CDH4: variants seen among roughly 807,000 people sequenced by gnomAD.
The protein encoded by CDH4 is cadherin 4.
In CDH4, 33 loss-of-function variants were observed where a neutral mutation model predicts 86.0. That is an observed-to-expected ratio of 0.38 (90% CI 0.29 to 0.51). CDH4 has a LOEUF of 0.51. Ranked by LOEUF, CDH4 falls within the 20% of genes least tolerant of loss-of-function variation. The probability of loss-of-function intolerance (pLI) is 0.86; values close to 1 mark genes in which losing one functional copy is unlikely to be tolerated. For synonymous variants in CDH4, 555 were observed against 549.4 expected (o/e 1.01, Z -0.14); for missense variants, 1,114 against 1,307.4 (o/e 0.85, Z 2.28).
At chr20:61,477,876 C>A (rs189352136) in intron 2 of CDH4, among the ~76,000 whole-genome samples, 119 of 152,336 alleles carry the variant, frequency 7.8e-4, no homozygotes, top group African/African-American at 2.6e-3. Flanking sequence ...TCAAGCAGAA[C>A]CTTCTCATTC....
intron 13 of CDH4, among the ~76,000 whole-genome samples, chr20:61,931,060 G>T (rs185942985): frequency 6.6e-6 from 1 of 152,218 alleles, no homozygotes; most frequent in Admixed American, 6.5e-5. Flanking sequence ...CTGCCCAGTC[G>T]TGGGCACCTC....
rs530185565 is a variant in CDH4 at position 61,903,708 on chromosome 20, G to A, written c.1189-6714G>A. ...CTCAAGACAAGCAGGGTATGGGGCC[G>A]AGAGGCAGCCCCCAGGGGGCCAGTG... On this transcript the variant is annotated intron_variant, in intron 8 of 15. Coordinates refer to ENST00000614565, the MANE Select transcript of CDH4 (RefSeq NM_001794.5). 9.9e-5 allele frequency among the ~76,000 whole-genome samples: 15 copies of A among 152,170 alleles called. No individual in the cohort carries two copies. In the South Asian group the frequency reaches 1.7e-3, roughly 17 times the overall value.
At chr20:61,932,841 A>G (rs1249594705) in intron 13 of CDH4, 144 bp from the exon 14 acceptor site, 1 of 1,073,994 alleles carries the variant, frequency 9.3e-7, no homozygotes, top group Non-Finnish European at 1.3e-6. Flanking sequence ...GCGCGTGTGC[A>G]GTACAGGTGT....
At chr20:61,857,874 T>C (rs576336728) in intron 6 of CDH4, among the ~76,000 whole-genome samples, 25 of 152,070 alleles carry the variant, frequency 1.6e-4, no homozygotes, top group Non-Finnish European at 2.4e-4. Context: ...CCTGCATTCA[T>C]TGGTGTGTCT....
intron 7 of CDH4, among the ~76,000 whole-genome samples, chr20:61,892,629 T>C (rs1984872402): frequency 6.6e-6 from 1 of 152,224 alleles, no homozygotes; most frequent in Admixed American, 6.5e-5. Context: ...TGGAGTGCTG[T>C]GGCCATGTTG....
intron 2 of CDH4, among the ~76,000 whole-genome samples, chr20:61,596,884 C>T (rs1010271012): frequency 8.5e-5 from 13 of 152,168 alleles, no homozygotes; most frequent in Non-Finnish European, 1.9e-4. Context: ...CCCACCTTTA[C>T]ATAATAATGC....
intron 2 of CDH4, among the ~76,000 whole-genome samples, chr20:61,456,611 A>G (rs866822429): frequency 2.7e-4 from 41 of 152,308 alleles, no homozygotes; most frequent in Middle Eastern, 3.4e-3. Flanking sequence ...GTGAGGAGCT[A>G]TATTATTTCT....
intron 2 of CDH4, among the ~76,000 whole-genome samples, chr20:61,685,655 G>A (rs1024076753): frequency 4.5e-4 from 69 of 152,268 alleles, no homozygotes; most frequent in Middle Eastern, 3.4e-3. Flanking sequence ...CTTTGACTAC[G>A]TCACCCACAC....
Position 61,937,073 on chromosome 20 carries a change from C to A in CDH4, c.*130C>A. 1 of 703,934 alleles carries A rather than the reference C, an allele frequency of 1.4e-6. No individual in the cohort carries two copies. The highest frequency in any genetic ancestry group is 2.2e-6 in the Non-Finnish European group (1 of 459,642). 43.6% of individuals were successfully genotyped at this position (703,934 alleles called of 1,614,324 possible). On this transcript the variant is annotated 3_prime_UTR_variant, in exon 16 of 16. Transcript: ENST00000614565. ...TAGTGCTGTTAGGAGGCCCCCCAAT[C>A]CCCACGTTGAGCTGTCTAGCATGAG...
intron 2 of CDH4, among the ~76,000 whole-genome samples, chr20:61,597,178 G>A (rs1439210618): frequency 6.6e-6 from 1 of 152,176 alleles, no homozygotes; most frequent in Non-Finnish European, 1.5e-5. Context: ...GAAACATTAA[G>A]TAAGAGGGGA....
At chr20:61,498,766 C>CA (rs1006369782) in intron 2 of CDH4, among the ~76,000 whole-genome samples, 49 of 150,652 alleles carry the variant, frequency 3.3e-4, no homozygotes, top group East Asian at 9.7e-4. Context: ...AAGAAAATCG[C>CA]AAAAAAAAAT....
intron 2 of CDH4, among the ~76,000 whole-genome samples, chr20:61,319,457 C>T (rs1010015621): frequency 2.0e-5 from 3 of 152,042 alleles, no homozygotes; most frequent in South Asian, 2.1e-4. Context: ...TCAAGGCTTC[C>T]GTATCTTGGC....
In CDH4 at chr20:61,589,467, T is replaced by C. The variant is rs750265315; in HGVS notation, c.170-154096T>C. On this transcript the variant is annotated intron_variant, in intron 2 of 15. Transcript: ENST00000614565. ...TTCTAATGTGTAAATTTTCAGATGC[T>C]TTTCTGCTAGAAAATTCCTCTTGGT... Among the ~76,000 whole-genome samples, 280 of 152,336 alleles carry C rather than the reference T, an allele frequency of 1.8e-3. 1 individual carries two copies. Among genetic ancestry groups the C allele is most frequent in the Non-Finnish European group, 2.2e-3 (152 of 68,030 alleles).
chr20:61,444,180 G>GTA, intron 2 of CDH4, among the ~76,000 whole-genome samples: 1 of 134,586 alleles, frequency 7.4e-6, no homozygotes, highest in East Asian at 2.3e-4. Flanking sequence ...GTGTCTTTGT[G>GTA]GATCTCTCTA....
chr20:61,522,269 G>A (rs555813152), intron 2 of CDH4, among the ~76,000 whole-genome samples: 8 of 152,204 alleles, frequency 5.3e-5, no homozygotes, highest in South Asian at 4.2e-4. Context: ...TGGAGAGGCC[G>A]GATCGGGAAC....
At chr20:61,728,544 C>T (rs971778957) in intron 2 of CDH4, among the ~76,000 whole-genome samples, 8 of 152,138 alleles carry the variant, frequency 5.3e-5, no homozygotes, top group Non-Finnish European at 7.3e-5. Flanking sequence ...ACTGGCCCAC[C>T]ATGCCCCAGC....
At chr20:61,366,744 C>T (rs1007238509) in intron 2 of CDH4, among the ~76,000 whole-genome samples, 6 of 152,176 alleles carry the variant, frequency 3.9e-5, no homozygotes, top group African/African-American at 9.7e-5. Flanking sequence ...GTGTTCCTTG[C>T]CCTCATTCTG....
chr20:61,575,602 G>A (rs952840822), intron 2 of CDH4, among the ~76,000 whole-genome samples: 6 of 152,228 alleles, frequency 3.9e-5, no homozygotes, highest in African/African-American at 1.2e-4. Context: ...TGGCACACAC[G>A]CCATATCTGG....
intron 6 of CDH4, among the ~76,000 whole-genome samples, chr20:61,859,113 A>C (rs1404477868): frequency 6.6e-6 from 1 of 151,458 alleles, no homozygotes; most frequent in Non-Finnish European, 1.5e-5. Context: ...TAAGAGGTGC[A>C]TGGTGGCCCC....
Sources: gnomAD v4.1 joint callset for allele counts (sites outside exome capture counted in the v4.1 genomes callset) on GRCh38, gnomAD v4.1.1 for gene constraint, MANE v1.5 for transcripts, NCBI Gene and HGNC (gene_info 2026-07-23, HGNC 2026-07-21) for gene names.